ELAPOR2: variants seen among roughly 807,000 people sequenced by gnomAD.
The protein encoded by ELAPOR2 is endosome/lysosome-associated apoptosis and autophagy regulator family member 2.
Under a neutral mutation model 120.7 loss-of-function variants are expected in ELAPOR2, and 89 were observed. That is an observed-to-expected ratio of 0.74 (90% CI 0.62 to 0.88). ELAPOR2 has a LOEUF of 0.88. ELAPOR2 is among the 40% of genes least tolerant of loss of function. ELAPOR2 has a pLI of 0.00. For synonymous variants in ELAPOR2, 444 were observed against 444.9 expected (o/e 1.00, Z 0.03); for missense variants, 1,134 against 1,251.6 (o/e 0.91, Z 1.42).
chr7:86,964,408 A>C (rs1791830320), intron 2 of ELAPOR2, among the ~76,000 whole-genome samples: 1 of 152,198 alleles, frequency 6.6e-6, no homozygotes, highest in Admixed American at 6.5e-5. Flanking sequence ...ATCTCTCTGT[A>C]GGTTATACTA....
intron 1 of ELAPOR2, among the ~76,000 whole-genome samples, chr7:87,011,261 A>AG (rs1392941960): frequency 1.5e-4 from 22 of 148,632 alleles, no homozygotes; most frequent in African/African-American, 3.8e-4. Flanking sequence ...AAAAAAAAAA[A>AG]AAAAAAAGAA....
chr7:87,004,747 G>T (rs1793420919), intron 1 of ELAPOR2, among the ~76,000 whole-genome samples: 1 of 152,162 alleles, frequency 6.6e-6, no homozygotes, highest in Non-Finnish European at 1.5e-5. Context: ...TTCTCATCAT[G>T]AAGGCCATCG....
intron 2 of ELAPOR2, among the ~76,000 whole-genome samples, chr7:86,961,850 G>A (rs1350949179): frequency 2.0e-5 from 3 of 152,178 alleles, no homozygotes; most frequent in African/African-American, 7.2e-5. Context: ...GGCCTTAAGA[G>A]AAGTGCCAAT....
intron 21 of ELAPOR2, among the ~76,000 whole-genome samples, chr7:86,885,245 A>G (rs1162613058): frequency 6.6e-6 from 1 of 152,170 alleles, no homozygotes; most frequent in Non-Finnish European, 1.5e-5. Flanking sequence ...AAATCAACAA[A>G]AGGACATAAA....
intron 1 of ELAPOR2, among the ~76,000 whole-genome samples, chr7:87,038,399 T>A (rs1220523993): frequency 6.6e-6 from 1 of 152,188 alleles, no homozygotes; most frequent in Non-Finnish European, 1.5e-5. Flanking sequence ...ATATATATTA[T>A]CCTTATTATA....
intron 1 of ELAPOR2, among the ~76,000 whole-genome samples, chr7:86,981,409 C>G (rs1158625175): frequency 1.3e-5 from 2 of 152,134 alleles, no homozygotes; most frequent in Non-Finnish European, 2.9e-5. Context: ...TGGCTTCTGC[C>G]CCCTCATGAA....
chr7:86,912,834 G>T, intron 14 of ELAPOR2, 107 bp downstream of exon 14: 1 of 1,323,312 alleles, frequency 7.6e-7, no homozygotes. Flanking sequence ...TCTTATTTCA[G>T]AATAAATAGC....
chr7:87,046,638 G>A (rs1008520877), intron 1 of ELAPOR2, among the ~76,000 whole-genome samples: 5 of 152,098 alleles, frequency 3.3e-5, no homozygotes, highest in African/African-American at 9.7e-5. Flanking sequence ...CCCCATTCTC[G>A]TGATAGTGAG....
At chr7:86,980,695 C>A (rs889532228) in intron 1 of ELAPOR2, among the ~76,000 whole-genome samples, 2 of 152,030 alleles carry the variant, frequency 1.3e-5, no homozygotes, top group African/African-American at 4.8e-5. Context: ...ACTAAAGGAT[C>A]CTTCCTACTC....
At chr7:87,040,190 G>A (rs1251486284) in intron 1 of ELAPOR2, among the ~76,000 whole-genome samples, 1 of 152,242 alleles carries the variant, frequency 6.6e-6, no homozygotes, top group Non-Finnish European at 1.5e-5. Flanking sequence ...AGCGAGGCTG[G>A]GGGAGAGGCG....
intron 21 of ELAPOR2, among the ~76,000 whole-genome samples, chr7:86,887,833 C>T (rs1220608544): frequency 1.3e-5 from 2 of 152,084 alleles, no homozygotes; most frequent in Non-Finnish European, 2.9e-5. Context: ...GGATCATCTC[C>T]TTTTGGCCAC....
At chr7:86,906,387 G>T (rs1789017234) in intron 18 of ELAPOR2, among the ~76,000 whole-genome samples, 2 of 152,030 alleles carry the variant, frequency 1.3e-5, no homozygotes, top group Non-Finnish European at 2.9e-5. Flanking sequence ...CAGGTAAAAA[G>T]AATAATTAAA....
At chr7:87,035,925 G>A (rs191340458) in intron 1 of ELAPOR2, among the ~76,000 whole-genome samples, 131 of 152,212 alleles carry the variant, frequency 8.6e-4, no homozygotes, top group Non-Finnish European at 1.5e-3. Context: ...ATCCTTCTCA[G>A]CTTTCTGACT....
At chr7:86,987,795 C>T (rs574233794) in intron 1 of ELAPOR2, among the ~76,000 whole-genome samples, 1 of 152,266 alleles carries the variant, frequency 6.6e-6, no homozygotes, top group South Asian at 2.1e-4. Context: ...GTGATGATTC[C>T]TCAAGGATCT....
At chr7:86,886,077 A>G (rs539771215) in intron 21 of ELAPOR2, among the ~76,000 whole-genome samples, 52 of 152,248 alleles carry the variant, frequency 3.4e-4, no homozygotes, top group Non-Finnish European at 6.5e-4. Context: ...AAGTCTCCAT[A>G]TCAACAGCCC....
intron 19 of ELAPOR2, among the ~76,000 whole-genome samples, chr7:86,895,699 T>C (rs1042167305): frequency 1.3e-5 from 2 of 152,132 alleles, no homozygotes; most frequent in Non-Finnish European, 2.9e-5. Context: ...GTTGCAAATT[T>C]ACTGTCTTAA....
chr7:86,881,234 T>A (rs1025349489), intron 21 of ELAPOR2, among the ~76,000 whole-genome samples: 36 of 152,144 alleles, frequency 2.4e-4, no homozygotes, highest in African/African-American at 8.5e-4. Context: ...TCTCTCTCTG[T>A]CACCTAAGCT....
At chr7:86,953,977 T>C (rs1444075429) in intron 2 of ELAPOR2, among the ~76,000 whole-genome samples, 2 of 152,206 alleles carry the variant, frequency 1.3e-5, no homozygotes, top group Admixed American at 6.5e-5. Flanking sequence ...TGCCTCTTCT[T>C]TTCTGACATT....
Position 86,942,014 on chromosome 7 carries a change from T to C in ELAPOR2, c.741+4A>G. 6.5e-7 allele frequency: 1 copy of C among 1,532,372 alleles called. No homozygotes were observed. Among genetic ancestry groups the C allele is most frequent in the South Asian group, 1.2e-5 (1 of 83,466 alleles). The allele number at this position is 1,532,372 out of a possible 1,614,324, so 94.9% of individuals were successfully genotyped here. ...AAAGAAGAAGGAAATACAAAGAGACTTACAGAATGAGAGCCCCATTCTCCA... is the reference window on the plus strand; with the variant it reads ...AAAGAAGAAGGAAATACAAAGAGACCTACAGAATGAGAGCCCCATTCTCCA... On this transcript the variant is annotated splice_donor_region_variant and intron_variant, in intron 5 of 21. Transcript: ENST00000450689.
Sources: allele counts gnomAD v4.1 joint callset (sites outside exome capture counted in the v4.1 genomes callset), GRCh38; gene constraint gnomAD v4.1.1; transcripts MANE v1.5; gene names NCBI Gene and HGNC (gene_info 2026-07-23, HGNC 2026-07-21).